The following ZNF429 variants were observed in gnomAD, a reference collection of about 807,000 sequenced individuals.
The protein encoded by ZNF429 is zinc finger protein 429.
A neutral mutation model predicts 56.8 loss-of-function variants in ZNF429; 53 were observed. That is an observed-to-expected ratio of 0.93 (90% CI 0.75 to 1.17). ZNF429 has a LOEUF of 1.17. ZNF429 is among the 50% of genes most tolerant of loss of function. The pLI is 0.00. For synonymous variants in ZNF429, 278 were observed against 264.7 expected (o/e 1.05, Z -0.49); for missense variants, 849 against 788.4 (o/e 1.08, Z -0.92).
intron 1 of ZNF429, among the ~76,000 whole-genome samples, chr19:21,513,851 CACAT>C: frequency 6.6e-6 from 1 of 152,292 alleles, no homozygotes; most frequent in South Asian, 2.1e-4. Context: ...CCCACCCACT[CACAT>C]ACACACCCAC....
At position 21,535,353 on chromosome 19, in the gene ZNF429, CT is replaced by C; in HGVS notation, c.227-923del. On this transcript the variant is annotated intron_variant, in intron 3 of 3. Coordinates refer to ENST00000358491, the MANE Select transcript of ZNF429 (RefSeq NM_001001415.4). ...TCTTTTCTTTTCTTTCCTTTCCTTT[CT>C]TTTCTTCTTTCTTTCTTTCTTTCTT... is the stretch of plus-strand genomic sequence containing the variant. 4.4e-5 allele frequency among the ~76,000 whole-genome samples: 3 copies of C among 68,062 alleles called. 1 individual carries two copies. Among genetic ancestry groups the C allele is most frequent in the African/African-American group, 1.8e-4 (3 of 16,426 alleles). The allele number at this position is 68,062 out of a possible 152,430, so 44.7% of individuals were successfully genotyped here. A position where few individuals can be genotyped will look rare whatever the true frequency, so the allele number is the denominator to read the frequency against.
chr19:21,524,409 T>A (rs2033092193), intron 1 of ZNF429, among the ~76,000 whole-genome samples: 1 of 151,972 alleles, frequency 6.6e-6, no homozygotes, highest in African/African-American at 2.4e-5. Flanking sequence ...ATGCCTGTAA[T>A]CCCAGCTGTT....
At chr19:21,519,448 A>G (rs987338909) in intron 1 of ZNF429, among the ~76,000 whole-genome samples, 2 of 152,356 alleles carry the variant, frequency 1.3e-5, no homozygotes. Flanking sequence ...GCAAGGCACT[A>G]GAGCAAGCCT....
At chr19:21,528,929 CTGTT>C (rs1449082303) in intron 1 of ZNF429, among the ~76,000 whole-genome samples, 5 of 151,922 alleles carry the variant, frequency 3.3e-5, no homozygotes, top group African/African-American at 4.8e-5. Flanking sequence ...CTCTGACAGA[CTGTT>C]TTACTATAGA....
At chr19:21,524,001 C>T (rs574289607) in intron 1 of ZNF429, among the ~76,000 whole-genome samples, 1 of 152,210 alleles carries the variant, frequency 6.6e-6, no homozygotes. Flanking sequence ...AAAAAACTAA[C>T]AGGAGGCATC....
chr19:21,526,983 TTAAG>T (rs202027308), intron 1 of ZNF429, among the ~76,000 whole-genome samples: 1,542 of 152,256 alleles, frequency 0.01, 28 homozygotes, highest in African/African-American at 0.035. Context: ...CTTTGGCTCT[TTAAG>T]TAAGTAGGCC....
chr19:21,531,791 G>C, intron 3 of ZNF429, among the ~76,000 whole-genome samples: 1 of 147,390 alleles, frequency 6.8e-6, no homozygotes, highest in African/African-American at 2.5e-5. Context: ...GGGTGATGGA[G>C]TGAGACTCTG....
chr19:21,531,525 T>G, intron 3 of ZNF429, among the ~76,000 whole-genome samples: 1 of 152,098 alleles, frequency 6.6e-6, no homozygotes, highest in Non-Finnish European at 1.5e-5. Context: ...GAAAATAGGC[T>G]GAGCACGGTG....
rs1226532227 is a variant in ZNF429 at position 21,537,062 on chromosome 19, G to A, written c.1009G>A (p.Gly337Ser). The A allele has an allele frequency of 3.7e-6, 6 of 1,613,880 alleles. No individual in the cohort carries two copies. The South Asian group carries it at 5.5e-5, about 15-fold the overall frequency. ...TLTSHKRIHT[G>S]EKPYKCEECG... ...TACTAGCCATAAGAGAATACATACTGGTGAGAAACCCTACAAATGTGAAGA... is the reference window on the plus strand; with the variant it reads ...TACTAGCCATAAGAGAATACATACTAGTGAGAAACCCTACAAATGTGAAGA... Residue 337 changes from glycine to serine, a missense_variant, in exon 4 of 4, where the codon GGT (glycine) becomes AGT (serine). Gly to Ser is a moderately conservative substitution (Grantham distance 56). Transcript: ENST00000358491.
intron 3 of ZNF429, among the ~76,000 whole-genome samples, chr19:21,534,160 T>A: frequency 6.6e-6 from 1 of 152,206 alleles, no homozygotes; most frequent in Non-Finnish European, 1.5e-5. Flanking sequence ...AAAACTGTGC[T>A]ATTGGGATTG....
At chr19:21,528,149 T>C (rs895154637) in intron 1 of ZNF429, among the ~76,000 whole-genome samples, 4 of 152,198 alleles carry the variant, frequency 2.6e-5, no homozygotes, top group African/African-American at 9.7e-5. Flanking sequence ...AAAAATGTTC[T>C]CTTGTGGCTG....
At chr19:21,510,601 T>C (rs2032406486) in intron 1 of ZNF429, among the ~76,000 whole-genome samples, 1 of 151,728 alleles carries the variant, frequency 6.6e-6, no homozygotes, top group African/African-American at 2.4e-5. Context: ...TTTTTTTTTA[T>C]TGATCATTCT....
chr19:21,510,175 G>A lies in ZNF429; in HGVS notation c.3+4401G>A, dbSNP rs2032383989. On this transcript the variant is annotated intron_variant, in intron 1 of 3. Transcript: ENST00000358491. Reference sequence around the variant, plus strand: ...GACAAGGGCTTTCTTTCATAGGGGTGAGCAAACAAGATTAGAAAAAAGATG... The same window carrying A: ...GACAAGGGCTTTCTTTCATAGGGGTAAGCAAACAAGATTAGAAAAAAGATG... 2.6e-5 allele frequency among the ~76,000 whole-genome samples: 4 copies of A among 152,174 alleles called. No individual in the cohort carries two copies. The South Asian group carries it at 8.3e-4, about 32-fold the overall frequency.
At position 21,527,279 on chromosome 19, in the gene ZNF429, C is replaced by G. The variant is rs558137767; in HGVS notation, c.4-2379C>G. 2.0e-5 allele frequency among the ~76,000 whole-genome samples: 3 copies of G among 152,282 alleles called. No individual in the cohort carries two copies. In the South Asian group the frequency reaches 6.2e-4, roughly 32 times the overall value. On this transcript the variant is annotated intron_variant, in intron 1 of 3. Coordinates refer to ENST00000358491, the MANE Select transcript of ZNF429 (RefSeq NM_001001415.4). ...TCAAAATTACCAAGTGATTTATAAG[C>G]TCATTACAGCTCGAGGGGCAATGCT...
intron 3 of ZNF429, among the ~76,000 whole-genome samples, chr19:21,533,216 G>A: frequency 0.027 from 4,046 of 151,720 alleles, 135 homozygotes; most frequent in African/African-American, 0.072. Context: ...TAGTGATCTT[G>A]TGTTCTTAAA....
intron 2 of ZNF429, 129 bp downstream of exon 2, chr19:21,529,913 T>A: frequency 1.6e-6 from 1 of 642,572 alleles, no homozygotes; most frequent in Non-Finnish European, 2.3e-6. Context: ...AAGAAAAGTT[T>A]GGGGCCGGGT....
intron 3 of ZNF429, among the ~76,000 whole-genome samples, chr19:21,535,442 TTC>T: frequency 0.021 from 1,653 of 79,758 alleles, 218 homozygotes; most frequent in Middle Eastern, 0.042. Context: ...CTTTCTTTCT[TTC>T]TTTCTTTCTT....
At chr19:21,531,106 C>CAAAAAAAAAAACAAAACAAAAAA in intron 3 of ZNF429, among the ~76,000 whole-genome samples, 2 of 17,560 alleles carry the variant, frequency 1.1e-4, no homozygotes, top group African/African-American at 6.1e-4. Flanking sequence ...AACTCCATCT[C>CAAAAAAAAAAACAAAACAAAAAA]AAAAAAAAAA....
chr19:21,532,852 C>T, intron 3 of ZNF429, among the ~76,000 whole-genome samples: 1 of 152,034 alleles, frequency 6.6e-6, no homozygotes, highest in African/African-American at 2.4e-5. Context: ...GTGTGTGCCA[C>T]CACACCTGGC....
Sources: allele counts gnomAD v4.1 joint callset (sites outside exome capture counted in the v4.1 genomes callset), GRCh38; gene constraint gnomAD v4.1.1; transcripts MANE v1.5; gene names NCBI Gene and HGNC (gene_info 2026-07-23, HGNC 2026-07-21).